Variants in UCK2 observed in about 807,000 individuals in gnomAD.
UCK2 encodes uridine-cytidine kinase 2.
In UCK2, 6 loss-of-function variants were observed where a neutral mutation model predicts 30.8. The ratio of observed to expected loss-of-function variants is 0.19; its 90% confidence interval spans 0.11 to 0.38. The LOEUF (loss-of-function observed/expected upper bound fraction) is 0.38, where lower values mean the gene tolerates loss of function less well. Among genes scored for constraint, UCK2 ranks in the 10% least tolerant of loss-of-function variants. UCK2 has a pLI of 1.00. For missense variants in UCK2, 210 were observed against 339.8 expected, an observed-to-expected ratio of 0.62 and a Z score of 3.00; for synonymous variants, 125 against 133.6, an observed-to-expected ratio of 0.94 and a Z score of 0.45.
chr1:165,861,284 A>G (rs1015092916), intron 1 of UCK2, among the ~76,000 whole-genome samples: 1 of 152,170 alleles, frequency 6.6e-6, no homozygotes, highest in Non-Finnish European at 1.5e-5. Context: ...TTAGGGGGAC[A>G]CAGGCATGCC....
chr1:165,890,219 A>G lies in UCK2; in HGVS notation c.115A>G (p.Lys39Glu). The G allele has an allele frequency of 1.2e-6, 2 of 1,613,956 alleles. No individual in the cohort carries two copies. The highest frequency in any genetic ancestry group is 8.5e-7 in the Non-Finnish European group (1 of 1,180,004). The change falls in exon 2 of 7, where the codon AAG (lysine) becomes GAG (glutamate). Residue 39 changes from lysine (K) to glutamate (E), a missense_variant. Lys to Glu is a moderately conservative substitution (Grantham distance 56, BLOSUM62 1). Coordinates refer to ENST00000367879, the MANE Select transcript of UCK2 (RefSeq NM_012474.5). ...TASGKSSVCAKIVQLLGQNEV... is the reference protein window; with the variant it reads ...TASGKSSVCAEIVQLLGQNEV... ...CTCCTCACAGTCTTCCGTGTGTGCT[A>G]AGATCGTGCAGCTCCTGGGGCAGAA... is the stretch of plus-strand genomic sequence containing the variant.
At chr1:165,903,566 G>T (rs1647553389) in intron 5 of UCK2, among the ~76,000 whole-genome samples, 1 of 152,112 alleles carries the variant, frequency 6.6e-6, no homozygotes, top group African/African-American at 2.4e-5. Flanking sequence ...TGCTTGGTGG[G>T]GTCATGGTGT....
intron 1 of UCK2, among the ~76,000 whole-genome samples, chr1:165,888,006 C>T (rs1007778670): frequency 3.9e-5 from 6 of 152,140 alleles, no homozygotes; most frequent in East Asian, 1.9e-4. Context: ...TATTATTGTT[C>T]CTCCAAAGAT....
chr1:165,827,911 C>CG lies in UCK2; in HGVS notation c.83dup (p.Thr29AsnfsTer3). 1.4e-6 allele frequency: 2 copies of CG among 1,452,390 alleles called. No individual in the cohort carries two copies. The highest frequency in any genetic ancestry group is 1.8e-6 in the Non-Finnish European group (2 of 1,093,248). 90.0% of individuals were successfully genotyped at this position (1,452,390 alleles called of 1,614,324 possible). ...GCGAGCCCTTCCTTATAGGCGTCAGCGGGGGAACAGCTAGCGGCAAGGTAC... is the reference window on the plus strand; with the variant it reads ...GCGAGCCCTTCCTTATAGGCGTCAGCGGGGGGAACAGCTAGCGGCAAGGTAC... On this transcript the variant is annotated frameshift_variant, in exon 1 of 7. Coordinates refer to ENST00000367879, the MANE Select transcript of UCK2 (RefSeq NM_012474.5). LOFTEE classifies it high-confidence loss of function.
At position 165,906,947 on chromosome 1, in the gene UCK2, C is replaced by T. The variant is rs550599662; in HGVS notation, c.647-737C>T. On this transcript the variant is annotated intron_variant, in intron 6 of 6. Coordinates refer to ENST00000367879, the MANE Select transcript of UCK2 (RefSeq NM_012474.5). ...AAGACATTTACCATTGATATGACCTCTTTTAACCTGGAGATGTTCCCTATC... is the reference window on the plus strand; with the variant it reads ...AAGACATTTACCATTGATATGACCTTTTTTAACCTGGAGATGTTCCCTATC... Among the ~76,000 whole-genome samples the T allele has an allele frequency of 4.6e-4, 70 of 152,322 alleles. No homozygotes were observed. The Middle Eastern group carries it at 0.014, about 30-fold the overall frequency.
In UCK2 at chr1:165,890,386, T is replaced by C. The variant is rs767133933; in HGVS notation, c.259+23T>C. ...CGGGTGAGTCGGGCATTGAAGGGGG[T>C]ATGTATCTGTATTGGTGTGTTGGGG... On this transcript the variant is annotated intron_variant, in intron 2 of 6. Coordinates refer to ENST00000367879, the MANE Select transcript of UCK2 (RefSeq NM_012474.5). 11 of 1,609,964 alleles carry C rather than the reference T, an allele frequency of 6.8e-6. 1 individual carries two copies.
At chr1:165,830,040 C>A (rs977504284) in intron 1 of UCK2, among the ~76,000 whole-genome samples, 1 of 152,046 alleles carries the variant, frequency 6.6e-6, no homozygotes, top group African/African-American at 2.4e-5. Context: ...GGGTCTCACT[C>A]TTTTGCCCAG....
intron 1 of UCK2, among the ~76,000 whole-genome samples, chr1:165,849,649 A>G (rs1363304814): frequency 1.3e-5 from 2 of 152,232 alleles, no homozygotes; most frequent in Non-Finnish European, 2.9e-5. Flanking sequence ...TTCTGCTTAA[A>G]ACAGAGTTCC....
intron 4 of UCK2, chr1:165,900,454 T>TA (rs1383621880): frequency 6.6e-6 from 1 of 152,172 alleles, no homozygotes; most frequent in Non-Finnish European, 1.5e-5. Flanking sequence ...AGGTAGGAGT[T>TA]ATTGGGGTTA....
At chr1:165,830,458 G>T (rs1654018369) in intron 1 of UCK2, among the ~76,000 whole-genome samples, 1 of 151,880 alleles carries the variant, frequency 6.6e-6, no homozygotes, top group African/African-American at 2.4e-5. Flanking sequence ...CCAAGTAGCT[G>T]GGACTACAGG....
intron 3 of UCK2, 163 bp from the exon 4 acceptor site, chr1:165,896,027 C>T (rs1018077919): frequency 2.4e-5 from 21 of 875,374 alleles, no homozygotes; most frequent in Admixed American, 9.3e-5. Context: ...GGTGGTGGTC[C>T]GAGGGCTCTG....
chr1:165,883,032 G>T (rs1367033142), intron 1 of UCK2, among the ~76,000 whole-genome samples: 1 of 152,082 alleles, frequency 6.6e-6, no homozygotes, highest in Non-Finnish European at 1.5e-5. Context: ...CACCATGTTG[G>T]CCAGGATGGT....
At chr1:165,879,862 G>A (rs1293633798) in intron 1 of UCK2, among the ~76,000 whole-genome samples, 1 of 152,148 alleles carries the variant, frequency 6.6e-6, no homozygotes, top group Non-Finnish European at 1.5e-5. Flanking sequence ...ATGTGAAAGA[G>A]ACTCTGAAAA....
intron 1 of UCK2, among the ~76,000 whole-genome samples, chr1:165,869,438 C>A (rs990322607): frequency 1.3e-5 from 2 of 151,976 alleles, no homozygotes; most frequent in Non-Finnish European, 2.9e-5. Flanking sequence ...TTGGGTACAT[C>A]CCCACAAATG....
chr1:165,907,342 G>A (rs1647699890), intron 6 of UCK2, among the ~76,000 whole-genome samples: 1 of 152,196 alleles, frequency 6.6e-6, no homozygotes, highest in Non-Finnish European at 1.5e-5. Flanking sequence ...GCTAATTGAC[G>A]TGTCAGAACC....
intron 1 of UCK2, among the ~76,000 whole-genome samples, chr1:165,870,274 T>C (rs1655164554): frequency 6.6e-6 from 1 of 151,956 alleles, no homozygotes; most frequent in Non-Finnish European, 1.5e-5. Context: ...AATTTTAATA[T>C]GTGAATGAAG....
chr1:165,891,161 G>T (rs1011272611), intron 2 of UCK2, 65 bp from the exon 3 acceptor site: 2 of 1,395,174 alleles, frequency 1.4e-6, no homozygotes, highest in African/African-American at 1.4e-5. Flanking sequence ...AGGATGCCTT[G>T]TGTATGATTA....
chr1:165,887,638 G>T (rs1331131627), intron 1 of UCK2, among the ~76,000 whole-genome samples: 1 of 152,022 alleles, frequency 6.6e-6, no homozygotes, highest in Non-Finnish European at 1.5e-5. Flanking sequence ...ACTAATAAAG[G>T]CTGCAGACTT....
At chr1:165,865,988 A>G (rs754273061) in intron 1 of UCK2, among the ~76,000 whole-genome samples, 26 of 152,192 alleles carry the variant, frequency 1.7e-4, no homozygotes, top group Non-Finnish European at 3.1e-4. Flanking sequence ...CTGGAAACAG[A>G]AGAAGGGCTG....
Sources: allele counts gnomAD v4.1 joint callset (sites outside exome capture counted in the v4.1 genomes callset), GRCh38; gene constraint gnomAD v4.1.1; transcripts MANE v1.5; gene names NCBI Gene and HGNC (gene_info 2026-07-23, HGNC 2026-07-21).